Variants in CASK observed in about 807,000 individuals in gnomAD.
CASK encodes the protein calcium/calmodulin dependent serine protein kinase.
CASK carries 4 observed loss-of-function variants against 82.9 expected under a neutral mutation model. That is an observed-to-expected ratio of 0.05 (90% CI 0.02 to 0.11). The LOEUF (loss-of-function observed/expected upper bound fraction) is 0.11. Among genes scored for constraint, CASK ranks in the 10% least tolerant of loss-of-function variants. The pLI, the probability that CASK is intolerant of heterozygous loss-of-function variation, is 1.00. For missense variants in CASK, 358 were observed against 720.9 expected (o/e 0.50, Z 5.76); for synonymous variants, 259 against 253.5 (o/e 1.02, Z -0.20).
chrX:41,532,255 A>T (rs1490261203), intron 24 of CASK, among the ~76,000 whole-genome samples: 2 of 112,225 alleles, frequency 1.8e-5, no homozygotes, highest in African/African-American at 6.5e-5. Context: ...CTGTTTTTGT[A>T]AACAAAGTTT....
chrX:41,608,245 T>G (rs2065988181), intron 12 of CASK, among the ~76,000 whole-genome samples: 1 of 112,500 alleles, frequency 8.9e-6, no homozygotes, highest in African/African-American at 3.2e-5. Context: ...AAAAGGTTTC[T>G]TTGCTTTAGA....
chrX:41,914,364 C>T (rs2072634196), intron 1 of CASK, among the ~76,000 whole-genome samples: 1 of 112,133 alleles, frequency 8.9e-6, no homozygotes, highest in African/African-American at 3.2e-5. Context: ...TGTACAACAG[C>T]CCAGTAATAA....
At chrX:41,817,342 T>C (rs2070432844) in intron 2 of CASK, among the ~76,000 whole-genome samples, 1 of 112,007 alleles carries the variant, frequency 8.9e-6, no homozygotes, top group Admixed American at 9.5e-5. Context: ...TATTCAACAT[T>C]ATACTGGAGG....
intron 5 of CASK, among the ~76,000 whole-genome samples, chrX:41,701,333 T>A (rs2067789685): frequency 8.9e-6 from 1 of 112,075 alleles, no homozygotes; most frequent in Non-Finnish European, 1.9e-5. Context: ...CTTAAAAATT[T>A]AGATTCTTTG....
At chrX:41,773,457 G>A (rs1325989064) in intron 3 of CASK, among the ~76,000 whole-genome samples, 4 of 110,391 alleles carry the variant, frequency 3.6e-5, no homozygotes, top group Non-Finnish European at 7.6e-5. Flanking sequence ...ATGTAAAAAG[G>A]ATTATGAAGA....
intron 5 of CASK, among the ~76,000 whole-genome samples, chrX:41,688,024 C>T (rs768937712): frequency 4.8e-5 from 5 of 103,297 alleles, no homozygotes; most frequent in South Asian, 8.6e-4. Context: ...TATTGTACCA[C>T]AATAAAATAA....
At chrX:41,665,697 A>C (rs1228104413) in intron 6 of CASK, 2 of 414,135 alleles carry the variant, frequency 4.8e-6, no homozygotes, top group Non-Finnish European at 4.2e-6. Flanking sequence ...TCCCTATTGA[A>C]TTCTGCATGC....
chrX:41,825,862 T>G lies in CASK; in HGVS notation c.172+27253A>C, dbSNP rs909824579. Among the ~76,000 whole-genome samples, 5 of 112,650 alleles carry G rather than the reference T, an allele frequency of 4.4e-5. No individual in the cohort carries two copies. The East Asian group carries it at 8.3e-4, about 19-fold the overall frequency. On this transcript the variant is annotated intron_variant, in intron 2 of 26. Coordinates refer to ENST00000378163, the MANE Select transcript of CASK (RefSeq NM_001367721.1). Reference sequence around the variant, plus strand: ...TATAAAAACAGCCTGCCTGAAATAATTTCCCTATCTTTTGATTACAAAAAT... The same window carrying G: ...TATAAAAACAGCCTGCCTGAAATAAGTTCCCTATCTTTTGATTACAAAAAT...
At chrX:41,696,666 C>T (rs1269693556) in intron 5 of CASK, 4 of 1,209,188 alleles carry the variant, frequency 3.3e-6, no homozygotes, top group Non-Finnish European at 3.4e-6. Context: ...TCTTTTTAGA[C>T]GATTTCAAGG....
At chrX:41,798,635 G>C (rs2069920129) in intron 2 of CASK, among the ~76,000 whole-genome samples, 1 of 112,200 alleles carries the variant, frequency 8.9e-6, no homozygotes. Context: ...AGGAATCTGA[G>C]ACTAGCCTGG....
intron 5 of CASK, among the ~76,000 whole-genome samples, chrX:41,708,116 C>CAA (rs774468294): frequency 6.0e-4 from 19 of 31,510 alleles, no homozygotes; most frequent in Non-Finnish European, 6.8e-4. Context: ...GACTCCATCT[C>CAA]AAAAAAAAAA....
At chrX:41,616,210 C>T (rs754892880) in intron 11 of CASK, among the ~76,000 whole-genome samples, 2 of 111,603 alleles carry the variant, frequency 1.8e-5, no homozygotes, top group African/African-American at 6.5e-5. Context: ...TAAGGCAGCT[C>T]TTTATTTTAT....
intron 14 of CASK, among the ~76,000 whole-genome samples, chrX:41,579,436 G>A (rs1433883651): frequency 9.0e-6 from 1 of 111,653 alleles, no homozygotes; most frequent in Non-Finnish European, 1.9e-5. Flanking sequence ...TCTTTGAACT[G>A]ACATCTCTAT....
At chrX:41,614,939 C>T (rs1489091326) in intron 11 of CASK, among the ~76,000 whole-genome samples, 1 of 110,697 alleles carries the variant, frequency 9.0e-6, no homozygotes, top group Non-Finnish European at 1.9e-5. Context: ...CCACCTCAGC[C>T]CCCAGAGTAG....
chrX:41,831,730 G>A (rs1007522613), intron 2 of CASK, among the ~76,000 whole-genome samples: 44 of 111,740 alleles, frequency 3.9e-4, no homozygotes, highest in African/African-American at 1.4e-3. Context: ...AGGCCGAGGC[G>A]GGCTGATCAC....
chrX:41,608,142 C>G (rs1196767504), intron 12 of CASK, among the ~76,000 whole-genome samples: 1 of 111,694 alleles, frequency 9.0e-6, no homozygotes, highest in African/African-American at 3.2e-5. Flanking sequence ...TGAGCTTTTC[C>G]CAAACTGGTC....
chrX:41,858,251 A>G (rs1218112328), intron 1 of CASK, among the ~76,000 whole-genome samples: 1 of 112,066 alleles, frequency 8.9e-6, no homozygotes, highest in Non-Finnish European at 1.9e-5. Context: ...CCAGACTGAG[A>G]GCCATCAGTT....
chrX:41,679,664 T>C (rs1300914874), intron 5 of CASK, among the ~76,000 whole-genome samples: 3 of 111,855 alleles, frequency 2.7e-5, no homozygotes. Context: ...CAGATTTTTA[T>C]ATATTTAATG....
intron 1 of CASK, among the ~76,000 whole-genome samples, chrX:41,908,927 T>C (rs2072515319): frequency 8.9e-6 from 1 of 111,998 alleles, no homozygotes; most frequent in Non-Finnish European, 1.9e-5. Flanking sequence ...AAAGCAACCA[T>C]AGATGATGCT....
Sources: gnomAD v4.1 joint callset for allele counts (sites outside exome capture counted in the v4.1 genomes callset) on GRCh38, gnomAD v4.1.1 for gene constraint, MANE v1.5 for transcripts, NCBI Gene and HGNC (gene_info 2026-07-23, HGNC 2026-07-21) for gene names.